SMC6: variants seen among roughly 807,000 people sequenced by gnomAD.
SMC6 encodes structural maintenance of chromosomes protein 6.
A neutral mutation model predicts 142.2 loss-of-function variants in SMC6; 79 were observed. The observed-to-expected ratio is 0.56, with a 90% confidence interval of 0.46 to 0.67. The LOEUF is 0.67. Ranked by LOEUF, SMC6 falls within the 30% of genes least tolerant of loss-of-function variation. The pLI is 0.00. For synonymous variants in SMC6, 411 were observed against 412.4 expected (o/e 1.00, Z 0.04); for missense variants, 1,072 against 1,284.0 (o/e 0.83, Z 2.52).
chr2:17,702,282 C>A (rs1668307022), intron 19 of SMC6, among the ~76,000 whole-genome samples: 1 of 152,122 alleles, frequency 6.6e-6, no homozygotes, highest in Admixed American at 6.6e-5. Context: ...TTTCTGATAT[C>A]CTTCAGATGG....
In SMC6 at chr2:17,672,820, C is replaced by T. The variant is rs112976613; in HGVS notation, c.2911-2245G>A. Among the ~76,000 whole-genome samples the T allele has an allele frequency of 7.8e-3, 1,193 of 152,198 alleles. 12 individuals are homozygous for T. Among genetic ancestry groups the T allele is most frequent in the African/African-American group, 0.028 (1,162 of 41,512 alleles). On this transcript the variant is annotated intron_variant, in intron 25 of 27. Coordinates refer to ENST00000448223, the MANE Select transcript of SMC6 (RefSeq NM_001142286.2). ...CAGTATGTCGCTGTTTGAATATACCCGAATTTATCCATTTGACTCTAGGTA... is the reference window on the plus strand; with the variant it reads ...CAGTATGTCGCTGTTTGAATATACCTGAATTTATCCATTTGACTCTAGGTA...
At chr2:17,671,095 A>C (rs1252864998) in intron 25 of SMC6, among the ~76,000 whole-genome samples, 1 of 148,056 alleles carries the variant, frequency 6.8e-6, no homozygotes, top group Non-Finnish European at 1.5e-5. Flanking sequence ...GCTGGTCTTG[A>C]ACTCCTCGGT....
intron 9 of SMC6, among the ~76,000 whole-genome samples, chr2:17,724,824 G>T (rs982705629): frequency 3.3e-5 from 5 of 152,166 alleles, no homozygotes; most frequent in Non-Finnish European, 5.9e-5. Context: ...ATGATTTGTA[G>T]ATTACGGTAT....
At position 17,665,341 on chromosome 2, in the gene SMC6, T is replaced by C; in HGVS notation, c.*158A>G. 1 of 397,062 alleles carries C rather than the reference T, an allele frequency of 2.5e-6. No individual in the cohort carries two copies. The highest frequency in any genetic ancestry group is 4.4e-6 in the Non-Finnish European group (1 of 225,162). The allele number at this position is 397,062 out of a possible 1,614,324, so 24.6% of individuals were successfully genotyped here. On this transcript the variant is annotated 3_prime_UTR_variant, in exon 28 of 28. Coordinates refer to ENST00000448223, the MANE Select transcript of SMC6 (RefSeq NM_001142286.2). ...TTAAATTGCAGGTTGTAGTTGGTTT[T>C]CCAGGCTTATTTATATGTTTGATTG... is the stretch of plus-strand genomic sequence containing the variant.
intron 22 of SMC6, among the ~76,000 whole-genome samples, chr2:17,696,031 G>A (rs747007070): frequency 5.3e-5 from 8 of 152,166 alleles, no homozygotes; most frequent in African/African-American, 9.7e-5. Flanking sequence ...AAGGAGCTAT[G>A]TTAGCTGAAA....
intron 7 of SMC6, among the ~76,000 whole-genome samples, chr2:17,730,054 G>A (rs1348466551): frequency 6.6e-6 from 1 of 152,180 alleles, no homozygotes; most frequent in East Asian, 1.9e-4. Flanking sequence ...ACAATGGATA[G>A]AACAGTAGAA....
chr2:17,690,224 T>C (rs1031697373), intron 23 of SMC6, among the ~76,000 whole-genome samples: 3 of 152,218 alleles, frequency 2.0e-5, no homozygotes, highest in African/African-American at 7.2e-5. Context: ...GGTTACTAAA[T>C]TCACTGAATA....
At chr2:17,699,977 T>A (rs1443223764) in intron 21 of SMC6, among the ~76,000 whole-genome samples, 2 of 151,972 alleles carry the variant, frequency 1.3e-5, no homozygotes, top group African/African-American at 4.8e-5. Context: ...AAAGCTATAA[T>A]CCTCTAGGAG....
chr2:17,703,112 A>G, intron 19 of SMC6, 45 bp downstream of exon 19: 1 of 1,191,782 alleles, frequency 8.4e-7, no homozygotes, highest in Non-Finnish European at 1.2e-6. Flanking sequence ...TCGTAGTAGT[A>G]AGTTGAAAAA....
intron 24 of SMC6, 63 bp downstream of exon 24, chr2:17,683,572 AAAT>A: frequency 1.5e-6 from 2 of 1,360,874 alleles, no homozygotes; most frequent in Admixed American, 2.1e-5. Flanking sequence ...AGAATTATAT[AAAT>A]AATATGAAAA....
chr2:17,667,707 G>A (rs557334618), intron 26 of SMC6, among the ~76,000 whole-genome samples: 2 of 152,132 alleles, frequency 1.3e-5, no homozygotes, highest in African/African-American at 4.8e-5. Flanking sequence ...AAAATTAGCC[G>A]GGCATGGTGG....
At chr2:17,730,912 C>G (rs777943404) in intron 7 of SMC6, among the ~76,000 whole-genome samples, 166 bp downstream of exon 7, 1 of 152,058 alleles carries the variant, frequency 6.6e-6, no homozygotes, top group Non-Finnish European at 1.5e-5. Flanking sequence ...CCATACCCGG[C>G]CGAATTAGTA....
chr2:17,742,786 A>G (rs1286570074), intron 3 of SMC6, among the ~76,000 whole-genome samples: 1 of 152,122 alleles, frequency 6.6e-6, no homozygotes, highest in Non-Finnish European at 1.5e-5. Context: ...CCTTAATGAG[A>G]TCCTGTGTAC....
chr2:17,708,679 A>G lies in SMC6; in HGVS notation c.1805T>C (p.Leu602Pro). The G allele has an allele frequency of 6.5e-7, 1 of 1,542,482 alleles. No homozygotes were observed. Among genetic ancestry groups the G allele is most frequent in the Admixed American group, 1.9e-5 (1 of 53,044 alleles). The change falls in exon 17 of 28, where the codon CTA (leucine) becomes CCA (proline). Residue 602 changes from leucine to proline, a missense_variant. By Grantham distance (98) the Leu-to-Pro change is moderately conservative. Transcript: ENST00000448223. ...TGTCTCTATGCCTCTCATGTCAATT[A>G]GGCTATTTGCCACAACCGCATTATC... ...EIDNAVVANS[L>P]IDMRGIETVL...
At chr2:17,696,638 T>C (rs931513220) in intron 21 of SMC6, among the ~76,000 whole-genome samples, 1 of 152,174 alleles carries the variant, frequency 6.6e-6, no homozygotes, top group Non-Finnish European at 1.5e-5. Flanking sequence ...CCATATATTA[T>C]GGTACTTTCA....
At chr2:17,709,695 T>G (rs1405405305) in intron 16 of SMC6, among the ~76,000 whole-genome samples, 2 of 152,136 alleles carry the variant, frequency 1.3e-5, no homozygotes, top group Non-Finnish European at 2.9e-5. Context: ...GGAGCTTACA[T>G]TTTTTTGAAG....
At chr2:17,671,785 T>G (rs1666776744) in intron 25 of SMC6, among the ~76,000 whole-genome samples, 1 of 151,678 alleles carries the variant, frequency 6.6e-6, no homozygotes, top group Admixed American at 6.6e-5. Context: ...CTAATAAAAT[T>G]AACAGCAAAT....
intron 22 of SMC6, among the ~76,000 whole-genome samples, chr2:17,695,884 CG>C (rs1466017033): frequency 1.3e-5 from 2 of 152,096 alleles, no homozygotes; most frequent in Non-Finnish European, 2.9e-5. Flanking sequence ...CTCTAAACAC[CG>C]GGTCACTGCT....
Position 17,721,040 on chromosome 2 carries a change from T to G in SMC6, c.847-2A>C. On this transcript the variant is annotated splice_acceptor_variant, in intron 10 of 27. Coordinates refer to ENST00000448223, the MANE Select transcript of SMC6 (RefSeq NM_001142286.2). LOFTEE classifies it high-confidence loss of function. ...CAATTGTTTTTCAATTTCATTGACCTAAGAAAGAAATTATATAGCAAATTG... is the reference window on the plus strand; with the variant it reads ...CAATTGTTTTTCAATTTCATTGACCGAAGAAAGAAATTATATAGCAAATTG... 1 of 1,613,266 alleles carries G rather than the reference T, an allele frequency of 6.2e-7. No individual in the cohort carries two copies. The highest frequency in any genetic ancestry group is 8.5e-7 in the Non-Finnish European group (1 of 1,179,500).
Sources: gnomAD v4.1 joint callset for allele counts (sites outside exome capture counted in the v4.1 genomes callset) on GRCh38, gnomAD v4.1.1 for gene constraint, MANE v1.5 for transcripts, NCBI Gene and HGNC (gene_info 2026-07-23, HGNC 2026-07-21) for gene names.